The following DPP6 variants were observed in gnomAD, a reference collection of about 807,000 sequenced individuals.
DPP6 encodes A-type potassium channel modulatory protein DPP6.
Under a neutral mutation model 122.6 loss-of-function variants are expected in DPP6, and 69 were observed. That is an observed-to-expected ratio of 0.56 (90% CI 0.46 to 0.69). The LOEUF is 0.69. Ranked by LOEUF, DPP6 falls within the 30% of genes least tolerant of loss-of-function variation. DPP6 has a pLI of 0.00. For missense variants in DPP6, 928 were observed against 1,116.9 expected, an observed-to-expected ratio of 0.83 and a Z score of 2.41; for synonymous variants, 418 against 433.1, an observed-to-expected ratio of 0.97 and a Z score of 0.43.
At chr7:154,275,503 A>G (rs1804069338) in intron 1 of DPP6, among the ~76,000 whole-genome samples, 1 of 152,150 alleles carries the variant, frequency 6.6e-6, no homozygotes, top group African/African-American at 2.4e-5. Flanking sequence ...TTCCAAACAG[A>G]GTTTAAAGAT....
chr7:154,564,517 G>C (rs2130508332), intron 4 of DPP6, among the ~76,000 whole-genome samples: 1 of 152,172 alleles, frequency 6.6e-6, no homozygotes, highest in Admixed American at 6.5e-5. Context: ...AAACATTTTT[G>C]AAAAAGAATT....
At chr7:153,937,437 CTTTTTTTTTTT>C (rs201001951) in intron 1 of DPP6, among the ~76,000 whole-genome samples, 7 of 115,510 alleles carry the variant, frequency 6.1e-5, no homozygotes, top group South Asian at 2.8e-4. Flanking sequence ...TCAGAGCTAA[CTTTTTTTTTTT>C]TTTTTTTTTT....
At chr7:154,570,074 T>C (rs1480122971) in intron 5 of DPP6, among the ~76,000 whole-genome samples, 2 of 151,856 alleles carry the variant, frequency 1.3e-5, no homozygotes, top group African/African-American at 4.9e-5. Context: ...TAAGGCTCTA[T>C]CCAATTTCAT....
At chr7:154,837,707 T>G (rs193266085) in intron 16 of DPP6, among the ~76,000 whole-genome samples, 249 of 152,366 alleles carry the variant, frequency 1.6e-3, no homozygotes, top group African/African-American at 5.2e-3. Context: ...AGACTTTGTG[T>G]TCCGCTTTCA....
chr7:153,988,087 A>C (rs1318865758), intron 1 of DPP6, among the ~76,000 whole-genome samples: 4 of 152,166 alleles, frequency 2.6e-5, no homozygotes, highest in Non-Finnish European at 5.9e-5. Context: ...GTCCCTGGAG[A>C]ATTCCAGAGG....
chr7:153,772,955 T>G, the DPP6 span, among the ~76,000 whole-genome samples: 1 of 121,466 alleles, frequency 8.2e-6, no homozygotes, highest in African/African-American at 3.3e-5. Context: ...TATTATATAA[T>G]AATATATAAA....
intron 1 of DPP6, among the ~76,000 whole-genome samples, chr7:153,925,636 T>A (rs1800861830): frequency 6.6e-6 from 1 of 152,028 alleles, no homozygotes; most frequent in South Asian, 2.1e-4. Flanking sequence ...CCTGAGGTTC[T>A]GATAAAGGGA....
intron 2 of DPP6, 86 bp downstream of exon 2, chr7:154,446,414 C>T (rs1245232643): frequency 3.7e-6 from 3 of 806,224 alleles, no homozygotes; most frequent in Non-Finnish European, 5.8e-6. Flanking sequence ...AAGTAACTAC[C>T]TATTACATAA....
At chr7:154,610,731 G>C (rs550365672) in intron 5 of DPP6, among the ~76,000 whole-genome samples, 1 of 149,474 alleles carries the variant, frequency 6.7e-6, no homozygotes, top group Non-Finnish European at 1.5e-5. Flanking sequence ...GTGTGTGTGT[G>C]TGTGTGTGTG....
chr7:154,147,178 A>C (rs1339908741), intron 1 of DPP6, among the ~76,000 whole-genome samples: 1 of 151,726 alleles, frequency 6.6e-6, no homozygotes. Context: ...CCAAAATAAC[A>C]CAGGATTGGT....
At chr7:154,065,357 G>T (rs1325276297) in intron 1 of DPP6, among the ~76,000 whole-genome samples, 1 of 141,250 alleles carries the variant, frequency 7.1e-6, no homozygotes, top group Non-Finnish European at 1.5e-5. Flanking sequence ...TGAGGGCCCT[G>T]GGAGCAAGCA....
intron 7 of DPP6, among the ~76,000 whole-genome samples, chr7:154,670,097 C>A (rs1441521579): frequency 6.6e-6 from 1 of 152,142 alleles, no homozygotes; most frequent in Non-Finnish European, 1.5e-5. Flanking sequence ...TGACCTCAGG[C>A]AATCCACCCG....
At chr7:153,986,906 T>C (rs1401574708) in intron 1 of DPP6, among the ~76,000 whole-genome samples, 1 of 151,504 alleles carries the variant, frequency 6.6e-6, no homozygotes, top group African/African-American at 2.4e-5. Context: ...GAGAAAGTTC[T>C]AGTTGAATCA....
At chr7:153,979,548 C>A (rs1167320915) in intron 1 of DPP6, among the ~76,000 whole-genome samples, 2 of 152,190 alleles carry the variant, frequency 1.3e-5, no homozygotes, top group Non-Finnish European at 2.9e-5. Context: ...CTTTCTCTTG[C>A]CTGATTGCCC....
intron 1 of DPP6, among the ~76,000 whole-genome samples, chr7:154,106,566 A>AGGTG (rs1403087251): frequency 3.5e-5 from 5 of 143,984 alleles, no homozygotes; most frequent in African/African-American, 1.1e-4. Context: ...GAGGAGCAAC[A>AGGTG]GGTGATATGT....
intron 2 of DPP6, among the ~76,000 whole-genome samples, chr7:154,462,218 A>G (rs919651801): frequency 5.9e-5 from 9 of 152,232 alleles, no homozygotes; most frequent in Admixed American, 6.5e-5. Context: ...CCATTGCTCT[A>G]TGTGTCTGTT....
intron 1 of DPP6, among the ~76,000 whole-genome samples, chr7:153,945,149 G>A (rs1338950846): frequency 6.6e-6 from 1 of 152,160 alleles, no homozygotes; most frequent in East Asian, 1.9e-4. Context: ...CCCTGCTGGT[G>A]CCAACAACTG....
chr7:153,792,100 T>C, the DPP6 span, among the ~76,000 whole-genome samples: 1 of 152,262 alleles, frequency 6.6e-6, no homozygotes, highest in Admixed American at 6.5e-5. Flanking sequence ...CATACTACTC[T>C]TATTTATAAA....
At chr7:154,731,830 G>T (rs1311833047) in intron 8 of DPP6, among the ~76,000 whole-genome samples, 1 of 152,204 alleles carries the variant, frequency 6.6e-6, no homozygotes, top group Non-Finnish European at 1.5e-5. Context: ...TGAAGATGAA[G>T]ATTTTGAGGC....
Sources: allele counts gnomAD v4.1 joint callset (sites outside exome capture counted in the v4.1 genomes callset), GRCh38; gene constraint gnomAD v4.1.1; transcripts MANE v1.5; gene names NCBI Gene and HGNC (gene_info 2026-07-23, HGNC 2026-07-21).